GDF6: variants seen among roughly 807,000 people sequenced by gnomAD.
The protein encoded by GDF6 is growth/differentiation factor 6.
Under a neutral mutation model 32.4 loss-of-function variants are expected in GDF6, and 3 were observed. The observed-to-expected ratio is 0.09, with a 90% confidence interval of 0.04 to 0.24. GDF6 has a LOEUF of 0.24. Ranked by LOEUF, GDF6 falls within the 10% of genes least tolerant of loss-of-function variation. The pLI is 1.00. For missense variants in GDF6, 589 were observed against 637.9 expected, an observed-to-expected ratio of 0.92 and a Z score of 0.83; for synonymous variants, 296 against 295.3, an observed-to-expected ratio of 1.00 and a Z score of -0.03.
At position 96,160,789 on chromosome 8, in the gene GDF6, C is replaced by A; in HGVS notation, c.-97G>T. 8.2e-7 allele frequency: 1 copy of A among 1,225,890 alleles called. No homozygotes were observed. Among genetic ancestry groups the A allele is most frequent in the Non-Finnish European group, 1.1e-6 (1 of 878,412 alleles). 75.9% of individuals were successfully genotyped at this position (1,225,890 alleles called of 1,614,324 possible). On this transcript the variant is annotated 5_prime_UTR_variant, in exon 1 of 2. Coordinates refer to ENST00000287020, the MANE Select transcript of GDF6 (RefSeq NM_001001557.4). ...GGACAGCGGCCGGGGCCCGGCTCCTCGGGCGGACTCGGAGTGCGAGGAGCC... is the reference window on the plus strand; with the variant it reads ...GGACAGCGGCCGGGGCCCGGCTCCTAGGGCGGACTCGGAGTGCGAGGAGCC...
chr8:96,146,339 C>CT (rs33978005), intron 1 of GDF6, among the ~76,000 whole-genome samples: 270 of 146,574 alleles, frequency 1.8e-3, no homozygotes, highest in Admixed American at 4.9e-3. Flanking sequence ...TTATTGTTTG[C>CT]TTTTTTTTTT....
Position 96,160,525 on chromosome 8 carries a change from G to T in GDF6, c.168C>A (p.Arg56=). 1 of 1,613,322 alleles carries T rather than the reference G, an allele frequency of 6.2e-7. No individual in the cohort carries two copies. Among genetic ancestry groups the T allele is most frequent in the Non-Finnish European group, 8.5e-7 (1 of 1,179,658 alleles). Residue 56 remains arginine, a synonymous_variant, in exon 1 of 2, where the codon CGC becomes CGA. Transcript: ENST00000287020. ...GGCCCTCCCGGCCCGCGTCACTGTCGCGCGGCGCCCGCTGCATCTTGCCTT... is the reference window on the plus strand; with the variant it reads ...GGCCCTCCCGGCCCGCGTCACTGTCTCGCGGCGCCCGCTGCATCTTGCCTT... ...RKEGKMQRAP[R]DSDAGREGQE... is the part of the protein sequence containing the mutation.
chr8:96,159,790 T>C (rs948565110), intron 1 of GDF6, among the ~76,000 whole-genome samples: 1 of 152,344 alleles, frequency 6.6e-6, no homozygotes, highest in Admixed American at 6.5e-5. Flanking sequence ...CCGACGCCGC[T>C]CGCGGACTAG....
intron 1 of GDF6, among the ~76,000 whole-genome samples, chr8:96,155,014 G>C (rs1430967037): frequency 6.6e-6 from 1 of 152,186 alleles, no homozygotes; most frequent in African/African-American, 2.4e-5. Context: ...TGATTCAATT[G>C]GGGGGTGGGG....
chr8:96,147,918 C>A (rs577470936), intron 1 of GDF6, among the ~76,000 whole-genome samples: 80 of 152,194 alleles, frequency 5.3e-4, no homozygotes, highest in Non-Finnish European at 1.0e-3. Context: ...GGCTGGAGTG[C>A]ATTAGGCAGG....
chr8:96,145,216 C>T lies in GDF6; in HGVS notation c.715G>A (p.Glu239Lys), dbSNP rs1407352914. ...GCCTCGGCCTCCCCGGCGTCCAGCT[C>T]GCCCCATGCGGCCCGCAGCTCCAAG... ...LCLELRAAWGELDAGEAEARA... is the reference protein window; with the variant it reads ...LCLELRAAWGKLDAGEAEARA... The change falls in exon 2 of 2, where the codon GAG (glutamate) becomes AAG (lysine). Residue 239 changes from glutamate (E) to lysine (K), a missense_variant. Physicochemically the swap from Glu to Lys is moderately conservative, Grantham distance 56. Around this residue, in one of 2 missense-constraint regions of GDF6, gnomAD observed 436 missense variants for 411.2 expected, o/e 1.06. Transcript: ENST00000287020. The surrounding 1 kb of genome is among the most constrained non-coding windows in gnomAD (Gnocchi z 5.6). 1 of 1,510,722 alleles carries T rather than the reference C, an allele frequency of 6.6e-7. No individual in the cohort carries two copies. Among genetic ancestry groups the T allele is most frequent in the Admixed American group, 2.0e-5 (1 of 48,990 alleles). The allele number at this position is 1,510,722 out of a possible 1,614,324, so 93.6% of individuals were successfully genotyped here.
intron 1 of GDF6, 60 bp downstream of exon 1, chr8:96,160,227 C>A: frequency 6.4e-7 from 1 of 1,554,236 alleles, no homozygotes; most frequent in Non-Finnish European, 8.9e-7. Flanking sequence ...CCAGCGGGAA[C>A]AGCTCCCTGG....
intron 1 of GDF6, among the ~76,000 whole-genome samples, chr8:96,153,490 G>T (rs1270518311): frequency 2.6e-5 from 4 of 152,194 alleles, no homozygotes; most frequent in Non-Finnish European, 5.9e-5. Context: ...CCCTTCCCCT[G>T]GGGCCGGGAC....
intron 1 of GDF6, among the ~76,000 whole-genome samples, chr8:96,159,258 T>A (rs550984710): frequency 3.9e-5 from 6 of 152,170 alleles, no homozygotes; most frequent in Non-Finnish European, 8.8e-5. Flanking sequence ...TCCTTTCCTG[T>A]CTCCTTCCAC....
chr8:96,156,317 A>C (rs1285691995), intron 1 of GDF6, among the ~76,000 whole-genome samples: 1 of 151,830 alleles, frequency 6.6e-6, no homozygotes. Context: ...ATTATGTGGC[A>C]CCTTTCCCTA....
In GDF6 at chr8:96,160,618, C is replaced by T. The variant is rs776298591; in HGVS notation, c.75G>A (p.Gln25=). 2.5e-6 allele frequency: 4 copies of T among 1,613,758 alleles called. No homozygotes were observed. Among genetic ancestry groups the T allele is most frequent in the Admixed American group, 3.3e-5 (2 of 60,022 alleles). Residue 25 remains glutamine, a synonymous_variant, in exon 1 of 2, where the codon CAG becomes CAA. Coordinates refer to ENST00000287020, the MANE Select transcript of GDF6 (RefSeq NM_001001557.4). The part of the protein sequence containing the change: ...SFLWDLPGFQ[Q]ASISSSSSSA... The stretch of plus-strand genomic sequence containing the variant: ...ACGACGAGGAGGATGAGATGGAAGC[C>T]TGCTGGAAACCGGGCAAATCCCACA...
rs121909355 is a variant in GDF6 at position 96,145,173 on chromosome 8, T to C, written c.758A>G (p.Gln253Arg). Reference sequence around the variant, plus strand: ...CCGCAGGTCCGGGGGCGGCGGTTGCTGGGGTCCCCGCGCGCGCGCCTCGGC... The same window carrying C: ...CCGCAGGTCCGGGGGCGGCGGTTGCCGGGGTCCCCGCGCGCGCGCCTCGGC... The part of the protein sequence containing the change: ...GEAEARARGP[Q>R]QPPPPDLRSL... The change falls in exon 2 of 2, where the codon CAG becomes CGG. Residue 253 changes from glutamine to arginine, a missense_variant. Gln to Arg is a conservative substitution (Grantham distance 43, BLOSUM62 1). Around this residue, in one of 2 missense-constraint regions of GDF6, gnomAD observed 436 missense variants for 411.2 expected, o/e 1.06. Transcript: ENST00000287020. The surrounding 1 kb of genome is among the most constrained non-coding windows in gnomAD (Gnocchi z 5.6). 1.9e-5 allele frequency: 29 copies of C among 1,499,448 alleles called. No individual in the cohort carries two copies. The highest frequency in any genetic ancestry group is 2.5e-5 in the Non-Finnish European group (28 of 1,132,166). The allele number at this position is 1,499,448 out of a possible 1,614,324, so 92.9% of individuals were successfully genotyped here.
rs1354955726 is a variant in GDF6 at position 96,160,558 on chromosome 8, G to A, written c.135C>T (p.Ser45=). ...CCCGCTGCATCTTGCCTTCCTTGCG[G>A]CTTCGCATGCCCTTGGTGGAACCCA... is the stretch of plus-strand genomic sequence containing the variant. ...AELGSTKGMR[S]RKEGKMQRAP... Residue 45 remains serine, a synonymous_variant, in exon 1 of 2, where the codon AGC becomes AGT. Transcript: ENST00000287020. 6.2e-7 allele frequency: 1 copy of A among 1,613,622 alleles called. No individual in the cohort carries two copies. The highest frequency in any genetic ancestry group is 8.5e-7 in the Non-Finnish European group (1 of 1,179,702).
chr8:96,147,998 T>G (rs1186910379), intron 1 of GDF6, among the ~76,000 whole-genome samples: 1 of 152,110 alleles, frequency 6.6e-6, no homozygotes, highest in Non-Finnish European at 1.5e-5. Context: ...GTTTTTACTC[T>G]TTTAAAAAAA....
chr8:96,159,022 A>T (rs1254038017), intron 1 of GDF6, among the ~76,000 whole-genome samples: 1 of 152,042 alleles, frequency 6.6e-6, no homozygotes, highest in Non-Finnish European at 1.5e-5. Flanking sequence ...CTGCTCTAAA[A>T]AGCTTAAGAG....
intron 1 of GDF6, among the ~76,000 whole-genome samples, chr8:96,149,399 T>C (rs535790834): frequency 6.6e-6 from 1 of 152,284 alleles, no homozygotes; most frequent in Admixed American, 6.5e-5. Context: ...CCAGTTACAA[T>C]TGCTGGATTA....
At chr8:96,150,706 A>G (rs1812554085) in intron 1 of GDF6, among the ~76,000 whole-genome samples, 2 of 152,268 alleles carry the variant, frequency 1.3e-5, no homozygotes. Flanking sequence ...CAGGTGTTGA[A>G]GGTCCTAATT....
chr8:96,156,360 T>TTC (rs1209689434), intron 1 of GDF6, among the ~76,000 whole-genome samples: 5 of 135,372 alleles, frequency 3.7e-5, no homozygotes, highest in South Asian at 2.5e-4. Flanking sequence ...GTCAGTCTCT[T>TTC]TCTCTCTCTC....
At position 96,145,421 on chromosome 8, in the gene GDF6, G is replaced by A; in HGVS notation, c.510C>T (p.Arg170=). ...ELVGAELRLF[R]QAPSAPWGPP... ...GCCCCCAGGGCGCTGAGGGCGCCTGGCGAAAGAGCCGCAGCTCCGCGCCCA... is the reference window on the plus strand; with the variant it reads ...GCCCCCAGGGCGCTGAGGGCGCCTGACGAAAGAGCCGCAGCTCCGCGCCCA... The change falls in exon 2 of 2, where the codon CGC becomes CGT. Residue 170 remains arginine, a synonymous_variant. Coordinates refer to ENST00000287020, the MANE Select transcript of GDF6 (RefSeq NM_001001557.4). The surrounding 1 kb of genome is among the most constrained non-coding windows in gnomAD (Gnocchi z 5.6). 6.3e-7 allele frequency: 1 copy of A among 1,591,116 alleles called. No homozygotes were observed. The highest frequency in any genetic ancestry group is 8.5e-7 in the Non-Finnish European group (1 of 1,176,534).
Sources: gnomAD v4.1 joint callset for allele counts (sites outside exome capture counted in the v4.1 genomes callset) on GRCh38, gnomAD v4.1.1 for gene constraint, gnomAD v4.1.1 regional missense constraint, Gnocchi (gnomAD v3.1) non-coding constraint, MANE v1.5 for transcripts, NCBI Gene and HGNC (gene_info 2026-07-23, HGNC 2026-07-21) for gene names.